The following SLC36A3 variants were observed in gnomAD, a reference collection of about 807,000 sequenced individuals.
SLC36A3 encodes solute carrier family 36 member 3, also known as proton-coupled amino acid transporter 3.
SLC36A3 carries 35 observed loss-of-function variants against 44.3 expected under a neutral mutation model. The observed-to-expected ratio is 0.79, with a 90% confidence interval of 0.60 to 1.05. The LOEUF is 1.05. Ranked by LOEUF, SLC36A3 falls within the 50% of genes least tolerant of loss-of-function variation. The pLI, the probability that SLC36A3 is intolerant of heterozygous loss-of-function variation, is 0.00. For synonymous variants in SLC36A3, 211 were observed against 227.6 expected (o/e 0.93, Z 0.66); for missense variants, 540 against 578.7 (o/e 0.93, Z 0.69).
chr5:151,277,176 C>A lies in SLC36A3; in HGVS notation c.*217G>T. On this transcript the variant is annotated 3_prime_UTR_variant, in exon 10 of 10. Transcript: ENST00000335230. ...TGAATAGTTGAATCTAATTTTGGTTCAGAGGTACAAAAGGCCATCCAAAAA... is the reference window on the plus strand; with the variant it reads ...TGAATAGTTGAATCTAATTTTGGTTAAGAGGTACAAAAGGCCATCCAAAAA... 1 of 602,204 alleles carries A rather than the reference C, an allele frequency of 1.7e-6. No homozygotes were observed. The allele number at this position is 602,204 out of a possible 1,614,324, so 37.3% of individuals were successfully genotyped here.
chr5:151,282,896 T>C (rs1032619502), intron 8 of SLC36A3, among the ~76,000 whole-genome samples: 40 of 148,424 alleles, frequency 2.7e-4, no homozygotes, highest in African/African-American at 8.4e-4. Flanking sequence ...CTTTTTTTTT[T>C]TTTTTGAGAC....
chr5:151,280,310 C>T (rs758435183), intron 9 of SLC36A3, among the ~76,000 whole-genome samples: 19 of 151,966 alleles, frequency 1.3e-4, no homozygotes, highest in Admixed American at 2.6e-4. Context: ...AAAAATTAGC[C>T]GGGCATGGTG....
chr5:151,290,629 C>A (rs1268963381), intron 4 of SLC36A3, among the ~76,000 whole-genome samples: 2 of 152,310 alleles, frequency 1.3e-5, no homozygotes, highest in East Asian at 3.9e-4. Flanking sequence ...GGTGCAGTGG[C>A]TCACGCCTGT....
chr5:151,287,086 C>T (rs979172923), intron 6 of SLC36A3, among the ~76,000 whole-genome samples, 160 bp downstream of exon 6: 4 of 152,160 alleles, frequency 2.6e-5, no homozygotes, highest in Admixed American at 6.5e-5. Flanking sequence ...GCTTTTACAA[C>T]TTGTGGGACA....
At position 151,296,177 on chromosome 5, in the gene SLC36A3, G is replaced by C. The variant is rs969222289; in HGVS notation, c.308+3C>G. ...TGGAATGAGAGAGAAGCAGGCCTCT[G>C]ACCTCTGGCTGAGGTGTTGAGCACA... On this transcript the variant is annotated splice_donor_region_variant and intron_variant, in intron 3 of 9. Coordinates refer to ENST00000335230, the MANE Select transcript of SLC36A3 (RefSeq NM_181774.4). The C allele has an allele frequency of 6.2e-7, 1 of 1,613,966 alleles. No individual in the cohort carries two copies. Among genetic ancestry groups the C allele is most frequent in the African/African-American group, 1.3e-5 (1 of 75,034 alleles).
chr5:151,283,363 C>T (rs977495116), intron 8 of SLC36A3, among the ~76,000 whole-genome samples: 8 of 152,300 alleles, frequency 5.3e-5, no homozygotes, highest in Admixed American at 4.6e-4. Context: ...GTGAGGTTCA[C>T]ACCAGCAGGT....
rs572380552 is a variant in SLC36A3, at chr5:151,280,632, T to G, written c.1144+382A>C. 1.6e-4 allele frequency among the ~76,000 whole-genome samples: 24 copies of G among 152,342 alleles called. No individual in the cohort carries two copies. The South Asian group carries it at 4.1e-3, about 26-fold the overall frequency. On this transcript the variant is annotated intron_variant, in intron 9 of 9. Transcript: ENST00000335230. ...TGTGTTCAAATCCCAGCTTTGTCACTTAGTGTGTATGACTCAGGTGTGTTA... is the reference window on the plus strand; with the variant it reads ...TGTGTTCAAATCCCAGCTTTGTCACGTAGTGTGTATGACTCAGGTGTGTTA...
chr5:151,300,327 C>A (rs1477757851), intron 1 of SLC36A3, among the ~76,000 whole-genome samples: 4 of 152,212 alleles, frequency 2.6e-5, no homozygotes, highest in Admixed American at 2.6e-4. Context: ...GTTGAGAGAA[C>A]AGATGAACTG....
At chr5:151,291,789 C>A (rs749302558) in intron 4 of SLC36A3, among the ~76,000 whole-genome samples, 1 of 152,116 alleles carries the variant, frequency 6.6e-6, no homozygotes, top group African/African-American at 2.4e-5. Flanking sequence ...TAAAGCTTCC[C>A]AGTGACCATT....
At chr5:151,302,878 G>C (rs79572056) in intron 1 of SLC36A3, among the ~76,000 whole-genome samples, 173 of 144,646 alleles carry the variant, frequency 1.2e-3, no homozygotes, top group African/African-American at 4.4e-3. Flanking sequence ...GAGGCAGAGA[G>C]AATAATGGCA....
intron 1 of SLC36A3, among the ~76,000 whole-genome samples, chr5:151,299,156 A>G (rs1378628662): frequency 6.7e-6 from 1 of 150,156 alleles, no homozygotes; most frequent in Non-Finnish European, 1.5e-5. Flanking sequence ...TGGGATATTT[A>G]CTGGTTTTAG....
At chr5:151,290,887 T>G (rs1455812679) in intron 4 of SLC36A3, among the ~76,000 whole-genome samples, 1 of 151,794 alleles carries the variant, frequency 6.6e-6, no homozygotes, top group African/African-American at 2.4e-5. Context: ...AAAATAATAA[T>G]AATAATAATA....
chr5:151,289,326 T>G (rs950628688), intron 4 of SLC36A3, among the ~76,000 whole-genome samples: 1 of 151,972 alleles, frequency 6.6e-6, no homozygotes, highest in African/African-American at 2.4e-5. Flanking sequence ...AAAGTACCTT[T>G]TGTAGTTATT....
intron 4 of SLC36A3, among the ~76,000 whole-genome samples, chr5:151,289,837 G>A (rs1754689915): frequency 6.6e-6 from 1 of 152,140 alleles, no homozygotes; most frequent in Non-Finnish European, 1.5e-5. Flanking sequence ...CTTTGTTGGT[G>A]ACTGCCAGAT....
At position 151,284,639 on chromosome 5, in the gene SLC36A3, T is replaced by C; in HGVS notation, c.781A>G (p.Ile261Val). 6.2e-7 allele frequency: 1 copy of C among 1,613,032 alleles called. No homozygotes were observed. The highest frequency in any genetic ancestry group is 8.5e-7 in the Non-Finnish European group (1 of 1,179,218). ...ATACCGACGCCTTCAAATGTGAAGATGGCTGTACCAAAGAACAGCAAGAAG... is the reference window on the plus strand; with the variant it reads ...ATACCGACGCCTTCAAATGTGAAGACGGCTGTACCAAAGAACAGCAAGAAG... ...KTFLLFFGTA[I>V]FTFEGVGMVL... The change falls in exon 7 of 10, where the codon ATC (isoleucine) becomes GTC (valine). Residue 261 changes from isoleucine to valine, a missense_variant. Physicochemically the swap from Ile to Val is conservative, Grantham distance 29 (BLOSUM62 3). Coordinates refer to ENST00000335230, the MANE Select transcript of SLC36A3 (RefSeq NM_181774.4).
At chr5:151,298,542 C>A in intron 2 of SLC36A3, 51 bp downstream of exon 2, 1 of 1,580,872 alleles carries the variant, frequency 6.3e-7, no homozygotes, top group Non-Finnish European at 8.7e-7. Flanking sequence ...GACCTATCAC[C>A]CCCTTCTGCA....
chr5:151,290,618 G>T (rs1037387555), intron 4 of SLC36A3, among the ~76,000 whole-genome samples: 2 of 152,146 alleles, frequency 1.3e-5, no homozygotes, highest in Non-Finnish European at 2.9e-5. Context: ...AGTATGGGCC[G>T]GGTGCAGTGG....
chr5:151,302,033 G>A (rs773174903), intron 1 of SLC36A3, among the ~76,000 whole-genome samples: 15 of 152,196 alleles, frequency 9.9e-5, no homozygotes, highest in Non-Finnish European at 1.6e-4. Context: ...AAGATAAAAC[G>A]CAATAATCCA....
intron 4 of SLC36A3, 114 bp downstream of exon 4, chr5:151,293,250 A>G: frequency 6.8e-6 from 6 of 877,312 alleles, no homozygotes; most frequent in African/African-American, 1.7e-5. Flanking sequence ...GATTCTCTCT[A>G]TTGTTTGATA....
Sources: gnomAD v4.1 joint callset for allele counts (sites outside exome capture counted in the v4.1 genomes callset) on GRCh38, gnomAD v4.1.1 for gene constraint, MANE v1.5 for transcripts, NCBI Gene and HGNC (gene_info 2026-07-23, HGNC 2026-07-21) for gene names.